The following SP140 variants were observed in gnomAD, a reference collection of about 807,000 sequenced individuals.
The protein encoded by SP140 is SP140 nuclear body protein.
In SP140, 81 loss-of-function variants were observed where a neutral mutation model predicts 125.0. The ratio of observed to expected loss-of-function variants is 0.65; its 90% CI spans 0.54 to 0.78. The LOEUF is 0.78. SP140 is among the 30% of genes least tolerant of loss of function. The pLI is 0.00. For missense variants in SP140, 858 were observed against 1,037.0 expected, an observed-to-expected ratio of 0.83 and a Z score of 2.37; for synonymous variants, 312 against 354.0, an observed-to-expected ratio of 0.88 and a Z score of 1.33.
chr2:230,208,930 T>C (rs1277788505), intron 1 of SP140, among the ~76,000 whole-genome samples: 1 of 152,168 alleles, frequency 6.6e-6, no homozygotes, highest in Non-Finnish European at 1.5e-5. Flanking sequence ...GTGTCAATGT[T>C]AAAAAGCTGG....
At chr2:230,290,132 C>G (rs571674088) in intron 18 of SP140, among the ~76,000 whole-genome samples, 10 of 152,288 alleles carry the variant, frequency 6.6e-5, no homozygotes, top group African/African-American at 2.4e-4. Flanking sequence ...AGCTGGAGAG[C>G]TTCTGTCAGA....
upstream of SP140, among the ~76,000 whole-genome samples, chr2:230,199,163 T>C (rs560523461): frequency 5.6e-5 from 8 of 144,120 alleles, no homozygotes; most frequent in Non-Finnish European, 1.2e-4. Flanking sequence ...TTTTTTTTTT[T>C]AGTGGGGTGA....
At chr2:230,264,845 T>C (rs1254706718) in intron 12 of SP140, among the ~76,000 whole-genome samples, 1 of 152,202 alleles carries the variant, frequency 6.6e-6, no homozygotes, top group Non-Finnish European at 1.5e-5. Flanking sequence ...GTCTCTCAGC[T>C]GTGGATACCA....
At chr2:230,304,818 A>T (rs913706634) in intron 22 of SP140, among the ~76,000 whole-genome samples, 1 of 152,252 alleles carries the variant, frequency 6.6e-6, no homozygotes, top group Non-Finnish European at 1.5e-5. Flanking sequence ...AGAAAATAAC[A>T]TTGGAAAAAC....
the SP140 span, among the ~76,000 whole-genome samples, chr2:230,195,784 G>A: frequency 6.6e-6 from 1 of 151,914 alleles, no homozygotes; most frequent in Non-Finnish European, 1.5e-5. Flanking sequence ...ATATACAGAA[G>A]GAGCAGGACT....
At position 230,237,016 on chromosome 2, in the gene SP140, T is replaced by C; in HGVS notation, c.60-67T>C. 2 of 1,324,814 alleles carry C rather than the reference T, an allele frequency of 1.5e-6. No individual in the cohort carries two copies. The highest frequency in any genetic ancestry group is 2.0e-6 in the Non-Finnish European group (2 of 984,014). 82.1% of individuals were successfully genotyped at this position (1,324,814 alleles called of 1,614,324 possible). ...CATTGGCCATCCTTCATGTCTAAAA[T>C]CTTCTAACCACCACAAACCTCTTGG... On this transcript the variant is annotated intron_variant, in intron 1 of 26. Transcript: ENST00000392045. The surrounding 1 kb of genome is among the most constrained non-coding windows in gnomAD (Gnocchi z 5.4).
intron 16 of SP140, among the ~76,000 whole-genome samples, chr2:230,285,149 C>A (rs1452659581): frequency 1.3e-5 from 2 of 152,154 alleles, no homozygotes; most frequent in Non-Finnish European, 2.9e-5. Flanking sequence ...TGTTTCATAT[C>A]ATTTTATTTT....
chr2:230,206,422 C>T (rs1468467391), intron 1 of SP140, among the ~76,000 whole-genome samples: 1 of 151,556 alleles, frequency 6.6e-6, no homozygotes, highest in Non-Finnish European at 1.5e-5. Flanking sequence ...CTTCACTGGT[C>T]TCGTTCCCTC....
chr2:230,235,868 G>GTTT (rs984054259), intron 1 of SP140, among the ~76,000 whole-genome samples: 205 of 77,972 alleles, frequency 2.6e-3, no homozygotes, highest in East Asian at 4.7e-3. Flanking sequence ...TCTTGTGACT[G>GTTT]TTTTTTTTTT....
upstream of SP140, chr2:230,221,857 A>G (rs143279969): frequency 2.1e-3 from 1,804 of 857,544 alleles, 24 homozygotes; most frequent in African/African-American, 0.026. Context: ...AATAAAGTCA[A>G]TGTCAAATCA....
chr2:230,316,308 C>T (rs1351238142), downstream of SP140, among the ~76,000 whole-genome samples: 1 of 151,876 alleles, frequency 6.6e-6, no homozygotes, highest in Non-Finnish European at 1.5e-5. Flanking sequence ...AGTGTATCCC[C>T]TCCAAAGCTC....
At chr2:230,253,248 AT>A in intron 10 of SP140, 67 bp from the exon 11 acceptor site, 4 of 1,156,572 alleles carry the variant, frequency 3.5e-6, no homozygotes, top group South Asian at 1.2e-5. Flanking sequence ...GGCTCTTAGC[AT>A]TTTCCCATCT....
At chr2:230,314,411 A>C (rs2059467866), downstream of SP140, among the ~76,000 whole-genome samples, 1 of 152,192 alleles carries the variant, frequency 6.6e-6, no homozygotes, top group African/African-American at 2.4e-5. Context: ...GAGCAAGGAG[A>C]TTGTGTCTGG....
intron 1 of SP140, chr2:230,212,730 A>G (rs1000358789): frequency 3.7e-6 from 6 of 1,612,966 alleles, no homozygotes; most frequent in Non-Finnish European, 5.1e-6. Flanking sequence ...GGCTGAGGAT[A>G]TACAGGTGTT....
At chr2:230,189,463 T>G in the SP140 span, among the ~76,000 whole-genome samples, 1 of 152,230 alleles carries the variant, frequency 6.6e-6, no homozygotes. Flanking sequence ...AGGAGCAGAT[T>G]ATTTAATTTC....
intron 20 of SP140, among the ~76,000 whole-genome samples, 186 bp from the exon 21 acceptor site, chr2:230,294,085 G>C (rs943485746): frequency 3.3e-5 from 5 of 152,194 alleles, no homozygotes; most frequent in African/African-American, 1.2e-4. Flanking sequence ...TGCTTTTCTG[G>C]CTTCTATTGA....
In SP140 at chr2:230,292,807, G is replaced by C. The variant is rs780697210; in HGVS notation, c.1968+19G>C. Reference sequence around the variant, plus strand: ...GATGGAGGTATTCCAATGACAAGGGGCCAGGCCTGTGTTCCTTCTTGTTCC... The same window carrying C: ...GATGGAGGTATTCCAATGACAAGGGCCCAGGCCTGTGTTCCTTCTTGTTCC... On this transcript the variant is annotated intron_variant, in intron 20 of 26. Coordinates refer to ENST00000392045, the MANE Select transcript of SP140 (RefSeq NM_007237.5). 6 of 1,613,570 alleles carry C rather than the reference G, an allele frequency of 3.7e-6. No individual in the cohort carries two copies. Among genetic ancestry groups the C allele is most frequent in the Non-Finnish European group, 5.1e-6 (6 of 1,179,944 alleles).
intron 15 of SP140, among the ~76,000 whole-genome samples, chr2:230,273,190 A>G (rs2054194782): frequency 6.6e-6 from 1 of 152,228 alleles, no homozygotes; most frequent in African/African-American, 2.4e-5. Context: ...TTTGCAAACT[A>G]TGCATCTGAC....
At chr2:230,228,377 T>G (rs774687634) in intron 1 of SP140, among the ~76,000 whole-genome samples, 1 of 152,156 alleles carries the variant, frequency 6.6e-6, no homozygotes, top group Non-Finnish European at 1.5e-5. Context: ...TTAAATGGAG[T>G]ACCGTATAAG....
Sources: gnomAD v4.1 joint callset for allele counts (sites outside exome capture counted in the v4.1 genomes callset) on GRCh38, gnomAD v4.1.1 for gene constraint, Gnocchi (gnomAD v3.1) non-coding constraint, MANE v1.5 for transcripts, NCBI Gene and HGNC (gene_info 2026-07-23, HGNC 2026-07-21) for gene names.